The following RNF31 variants were observed in gnomAD, a reference collection of about 807,000 sequenced individuals.
RNF31 encodes the protein ring finger protein 31.
In RNF31, 38 loss-of-function variants were observed where a neutral mutation model predicts 133.6. The ratio of observed to expected loss-of-function variants is 0.28; its 90% CI spans 0.22 to 0.37. The LOEUF (loss-of-function observed/expected upper bound fraction) is 0.37. Ranked by LOEUF, RNF31 falls within the 10% of genes least tolerant of loss-of-function variation. RNF31 has a pLI of 1.00. For synonymous variants in RNF31, 582 were observed against 552.3 expected, an observed-to-expected ratio of 1.05 and a Z score of -0.75; for missense variants, 1,118 against 1,394.1, an observed-to-expected ratio of 0.80 and a Z score of 3.15.
rs1162022586 is a variant in RNF31 at position 24,159,693 on chromosome 14, T to G, written c.2900-171T>G. 2.4e-5 allele frequency: 14 copies of G among 578,898 alleles called. No homozygotes were observed. In the South Asian group the frequency reaches 2.9e-4, roughly 12 times the overall value. The allele number at this position is 578,898 out of a possible 1,614,324, so 35.9% of individuals were successfully genotyped here. On this transcript the variant is annotated intron_variant, in intron 18 of 20. Transcript: ENST00000324103. ...AGGTCCCTGCCTCTGTATCAGATGG[T>G]CTGCCGTTGACGGCACCTCTGAGTA...
chr14:24,159,532 AG>A (rs1405681296), intron 18 of RNF31, among the ~76,000 whole-genome samples: 1 of 151,076 alleles, frequency 6.6e-6, no homozygotes, highest in Non-Finnish European at 1.5e-5. Context: ...AATAAAAAAA[AG>A]AGGTAAGATC....
chr14:24,151,523 G>C lies in RNF31; in HGVS notation c.1776G>C (p.Glu592Asp). 1 of 1,614,238 alleles carries C rather than the reference G, an allele frequency of 6.2e-7. No individual in the cohort carries two copies. Among genetic ancestry groups the C allele is most frequent in the Non-Finnish European group, 8.5e-7 (1 of 1,180,044 alleles). The change falls in exon 10 of 21, where the codon GAG becomes GAC. Residue 592 changes from glutamate (E) to aspartate (D), a missense_variant. Physicochemically the swap from Glu to Asp is conservative, Grantham distance 45. Around this residue, in one of 3 missense-constraint regions of RNF31, gnomAD observed 747 missense variants for 827.9 expected, o/e 0.90. Transcript: ENST00000324103. The surrounding 1 kb of genome is among the most constrained non-coding windows in gnomAD (Gnocchi z 5.3). ...ELQSLGFGPE[E>D]GSLQALFQHG... ...AGTCTCTAGGCTTTGGGCCTGAGGA[G>C]GGGTCTCTCCAGGCATTGTTCCAGC...
At chr14:24,150,541 T>C in intron 7 of RNF31, 57 bp from the exon 8 acceptor site, 1 of 1,580,700 alleles carries the variant, frequency 6.3e-7, no homozygotes, top group Non-Finnish European at 8.6e-7. Context: ...ACTCCCTGTA[T>C]TTCTGTTGTG....
intron 14 of RNF31, among the ~76,000 whole-genome samples, chr14:24,156,399 G>C (rs1341211405): frequency 6.6e-6 from 1 of 152,188 alleles, no homozygotes; most frequent in Non-Finnish European, 1.5e-5. Context: ...CCAACTCCTG[G>C]TCTCAAGTGA....
chr14:24,160,462 GCTGA>G lies in RNF31; in HGVS notation c.3166-54_3166-51del. The G allele has an allele frequency of 6.3e-7, 1 of 1,587,640 alleles. No homozygotes were observed. Among genetic ancestry groups the G allele is most frequent in the Admixed American group, 1.7e-5 (1 of 57,474 alleles). On this transcript the variant is annotated intron_variant, in intron 20 of 20. Transcript: ENST00000324103. This position sits in a 1 kb window ranked among gnomAD's most constrained non-coding sequence, Gnocchi z 4.0. ...ACCCACCCTACAGAAGTCACCTGGTGCTGACTGTGTCTGAGCTCCAGGCTTCCAA... is the reference window on the plus strand; with the variant it reads ...ACCCACCCTACAGAAGTCACCTGGTGCTGTGTCTGAGCTCCAGGCTTCCAA...
Position 24,157,349 on chromosome 14 carries a change from C to T in RNF31, c.2553C>T (p.Asn851=), listed in dbSNP as rs775303142. ...ACTTCCAGAACTGGAAACGCATGAA[C>T]GACCCAGAATACCAGGCCCAGGGCC... ...CEDFQNWKRM[N]DPEYQAQGLA... Residue 851 remains asparagine (N), a synonymous_variant, in exon 15 of 21, where the codon AAC becomes AAT. Transcript: ENST00000324103. 25 of 1,612,748 alleles carry T rather than the reference C, an allele frequency of 1.6e-5. No homozygotes were observed. Among genetic ancestry groups the T allele is most frequent in the East Asian group, 2.2e-5 (1 of 44,844 alleles).
chr14:24,151,750 A>G lies in RNF31; in HGVS notation c.1924-36A>G. ...TGAGGGGAAGGGTCCCTGGAGTCTG[A>G]CAGCACTTCCCCCCTCCACCTGAAT... is the stretch of plus-strand genomic sequence containing the variant. On this transcript the variant is annotated intron_variant, in intron 10 of 20. Coordinates refer to ENST00000324103, the MANE Select transcript of RNF31 (RefSeq NM_017999.5). This position sits in a 1 kb window ranked among gnomAD's most constrained non-coding sequence, Gnocchi z 5.3. The G allele has an allele frequency of 6.3e-7, 1 of 1,599,938 alleles. No homozygotes were observed. The highest frequency in any genetic ancestry group is 8.5e-7 in the Non-Finnish European group (1 of 1,172,286).
At chr14:24,153,920 A>G (rs1208585946) in intron 11 of RNF31, among the ~76,000 whole-genome samples, 1 of 152,188 alleles carries the variant, frequency 6.6e-6, no homozygotes, top group East Asian at 1.9e-4. Context: ...AATTAAATAA[A>G]TAAATAAATG....
intron 11 of RNF31, among the ~76,000 whole-genome samples, chr14:24,152,629 G>T (rs2038283177): frequency 6.6e-6 from 1 of 152,066 alleles, no homozygotes; most frequent in African/African-American, 2.4e-5. Context: ...ATATTGGCCA[G>T]GCTGGTCTCG....
Position 24,158,295 on chromosome 14 carries a change from T to C in RNF31, c.2899+96T>C, listed in dbSNP as rs1837809491. 8 of 1,179,218 alleles carry C rather than the reference T, an allele frequency of 6.8e-6. No homozygotes were observed. The South Asian group carries it at 1.0e-4, about 15-fold the overall frequency. The allele number at this position is 1,179,218 out of a possible 1,614,324, so 73.0% of individuals were successfully genotyped here. On this transcript the variant is annotated intron_variant, in intron 18 of 20. Coordinates refer to ENST00000324103, the MANE Select transcript of RNF31 (RefSeq NM_017999.5). ...GGAGGCTTGGGTCTGGGGTCACTTGTTGCATGCCCTTTGGCAAGTTAATTG... is the reference window on the plus strand; with the variant it reads ...GGAGGCTTGGGTCTGGGGTCACTTGCTGCATGCCCTTTGGCAAGTTAATTG...
At chr14:24,147,076 G>A (rs867091673), upstream of RNF31, 18 of 195,570 alleles carry the variant, frequency 9.2e-5, no homozygotes, top group African/African-American at 4.0e-4. Context: ...AGCGGGCAGG[G>A]GTTGGGTGAG....
At chr14:24,153,005 C>A (rs1229107872) in intron 11 of RNF31, among the ~76,000 whole-genome samples, 1 of 151,454 alleles carries the variant, frequency 6.6e-6, no homozygotes, top group African/African-American at 2.4e-5. Context: ...GGCGTGAACT[C>A]AGGAGGCGGA....
At chr14:24,159,668 A>C (rs2038414901) in intron 18 of RNF31, 196 bp from the exon 19 acceptor site, 2 of 473,960 alleles carry the variant, frequency 4.2e-6, no homozygotes, top group African/African-American at 3.8e-5. Context: ...AGTAGGGACA[A>C]GGTCCCTGCC....
At chr14:24,147,084 G>C, upstream of RNF31, 1 of 193,082 alleles carries the variant, frequency 5.2e-6, no homozygotes, top group South Asian at 8.0e-5. Flanking sequence ...GGGGTTGGGT[G>C]AGGGTCTTCC....
chr14:24,159,901 T>C lies in RNF31; in HGVS notation c.2937T>C (p.Asn979=). 1 of 1,614,142 alleles carries C rather than the reference T, an allele frequency of 6.2e-7. No individual in the cohort carries two copies. Among genetic ancestry groups the C allele is most frequent in the Admixed American group, 1.7e-5 (1 of 60,026 alleles). ...TGATAGAGCAGAAGGAGGTTCCCAA[T>C]GGGCTCAGGGACGAAGCTTGTGGCA... ...CRVIEQKEVP[N]GLRDEACGKE... The change falls in exon 19 of 21, where the codon AAT becomes AAC. Residue 979 remains asparagine (N), a synonymous_variant. Transcript: ENST00000324103.
rs1198605314 is a variant in RNF31, at chr14:24,148,260, G to C, written c.342G>C (p.Gly114=). The change falls in exon 3 of 21, where the codon GGG becomes GGC. Residue 114 remains glycine (G), a splice_region_variant and synonymous_variant. Coordinates refer to ENST00000324103, the MANE Select transcript of RNF31 (RefSeq NM_017999.5). ...VFRSTVDAVQ[G]GRDVLRLYGY... ...TGACTCGTTTGAATGTGTGGCAGGG[G>C]GGCCGAGATGTGCTGCGATTATATG... 1 of 1,614,150 alleles carries C rather than the reference G, an allele frequency of 6.2e-7. No homozygotes were observed. Among genetic ancestry groups the C allele is most frequent in the Admixed American group, 1.7e-5 (1 of 60,024 alleles).
chr14:24,158,650 G>C (rs2038382472), intron 18 of RNF31: 1 of 160,020 alleles, frequency 6.2e-6, no homozygotes, highest in Admixed American at 6.2e-5. Context: ...TTCTGATCTT[G>C]GAGGCTAAGC....
chr14:24,160,007 G>A lies in RNF31; in HGVS notation c.2996+47G>A. 1 of 1,566,546 alleles carries A rather than the reference G, an allele frequency of 6.4e-7. No individual in the cohort carries two copies. The highest frequency in any genetic ancestry group is 8.8e-7 in the Non-Finnish European group (1 of 1,142,538). The stretch of plus-strand genomic sequence containing the variant: ...GCATGGTGTTGGGCAGTGGGTAGAA[G>A]TGGTGAGGGCATGCCCAGGCAGTAA... On this transcript the variant is annotated intron_variant, in intron 19 of 20. Coordinates refer to ENST00000324103, the MANE Select transcript of RNF31 (RefSeq NM_017999.5). The surrounding 1 kb of genome is among the most constrained non-coding windows in gnomAD (Gnocchi z 4.0).
chr14:24,158,100 G>C, intron 17 of RNF31, 42 bp from the exon 18 acceptor site: 1 of 1,612,172 alleles, frequency 6.2e-7, no homozygotes, highest in Non-Finnish European at 8.5e-7. Context: ...CAGGGACTTG[G>C]CATCAAGGGG....
Sources: allele counts gnomAD v4.1 joint callset (sites outside exome capture counted in the v4.1 genomes callset), GRCh38; gene constraint gnomAD v4.1.1; regional missense constraint gnomAD v4.1.1; non-coding constraint Gnocchi (gnomAD v3.1); transcripts MANE v1.5; gene names NCBI Gene and HGNC (gene_info 2026-07-23, HGNC 2026-07-21).